Variants in COL4A1 observed in about 807,000 individuals in gnomAD.
COL4A1 encodes the protein collagen type IV alpha 1 chain, also known as collagen alpha-1(IV) chain.
COL4A1 carries 40 observed loss-of-function variants against 216.6 expected under a neutral mutation model. The ratio of observed to expected loss-of-function variants is 0.18; its 90% CI spans 0.14 to 0.24. The LOEUF (loss-of-function observed/expected upper bound fraction) is 0.24. Ranked by LOEUF, COL4A1 falls within the 10% of genes least tolerant of loss-of-function variation. The pLI, the probability that COL4A1 is intolerant of heterozygous loss-of-function variation, is 1.00. For missense variants in COL4A1, 1,628 were observed against 2,196.8 expected (o/e 0.74, Z 5.18); for synonymous variants, 839 against 810.7 (o/e 1.03, Z -0.59).
rs1303970828 is a variant in COL4A1 at position 110,261,035 on chromosome 13, T to TAAAAAAA, written c.85-18302_85-18301insTTTTTTT. ...CTGGGTGACAGAGCGAGACTCCGTC[T>TAAAAAAA]CAAAAAAAAAAAAAAAAAAGGCCAA... On this transcript the variant is annotated intron_variant, in intron 1 of 51. Transcript: ENST00000375820. 3.6e-3 allele frequency among the ~76,000 whole-genome samples: 151 copies of TAAAAAAA among 42,150 alleles called. 10 individuals are homozygous for TAAAAAAA. The highest frequency in any genetic ancestry group is 0.011 in the African/African-American group (130 of 11,906). 27.7% of individuals were successfully genotyped at this position (42,150 alleles called of 152,430 possible).
At position 110,207,137 on chromosome 13, in the gene COL4A1, T is replaced by C. The variant is rs897767116; in HGVS notation, c.781-246A>G. ...GCCCCCCAGCCCAGCTCCCTCCTCC[T>C]GACCAAGCCATCTCCAACTTGGGGC... On this transcript the variant is annotated intron_variant, in intron 13 of 51. Transcript: ENST00000375820. The surrounding 1 kb of genome is among the most constrained non-coding windows in gnomAD (Gnocchi z 4.4). Among the ~76,000 whole-genome samples, 1 of 150,834 alleles carries C rather than the reference T, an allele frequency of 6.6e-6. No individual in the cohort carries two copies. Among genetic ancestry groups the C allele is most frequent in the Non-Finnish European group, 1.5e-5 (1 of 67,716 alleles).
At chr13:110,190,191 C>T (rs752239305) in intron 24 of COL4A1, among the ~76,000 whole-genome samples, 1 of 151,656 alleles carries the variant, frequency 6.6e-6, no homozygotes, top group Admixed American at 6.6e-5. Context: ...CATTGGTGAC[C>T]CTAGGACATC....
Position 110,161,282 on chromosome 13 carries a change from T to C in COL4A1, c.4550A>G (p.Asn1517Ser). 1 of 1,614,244 alleles carries C rather than the reference T, an allele frequency of 6.2e-7. No homozygotes were observed. Among genetic ancestry groups the C allele is most frequent in the Non-Finnish European group, 8.5e-7 (1 of 1,180,046 alleles). ...GGTGGACAGCCAGTACGAGTAGTCATTTCGTGATGCAAAGTTGCACACGTT... is the reference window on the plus strand; with the variant it reads ...GGTGGACAGCCAGTACGAGTAGTCACTTCGTGATGCAAAGTTGCACACGTT... ...INNVCNFASR[N>S]DYSYWLSTPE... Residue 1517 changes from asparagine (N) to serine (S), a missense_variant, in exon 49 of 52, where the codon AAT becomes AGT. By Grantham distance (46) the Asn-to-Ser change is conservative (BLOSUM62 1). Transcript: ENST00000375820.
intron 1 of COL4A1, among the ~76,000 whole-genome samples, chr13:110,244,818 G>C (rs1487682352): frequency 6.6e-6 from 1 of 152,078 alleles, no homozygotes; most frequent in East Asian, 1.9e-4. Context: ...CATCTAAGAC[G>C]ACACCAATTG....
chr13:110,188,943 G>C (rs1373548901), intron 24 of COL4A1, among the ~76,000 whole-genome samples: 2 of 152,124 alleles, frequency 1.3e-5, no homozygotes, highest in African/African-American at 4.8e-5. Context: ...GGAGAGAGTC[G>C]GCAGCAACTC....
chr13:110,251,266 G>A (rs1276622993), intron 1 of COL4A1, among the ~76,000 whole-genome samples: 1 of 152,208 alleles, frequency 6.6e-6, no homozygotes. Flanking sequence ...CACCGGCCAT[G>A]TGGGCTTCTG....
Position 110,176,923 on chromosome 13 carries a change from C to G in COL4A1, c.2831G>C (p.Gly944Ala). 6.2e-7 allele frequency: 1 copy of G among 1,614,212 alleles called. No homozygotes were observed. Among genetic ancestry groups the G allele is most frequent in the African/African-American group, 1.3e-5 (1 of 75,062 alleles). Residue 944 changes from glycine to alanine, a missense_variant, in exon 34 of 52, where the codon GGC becomes GCC. Physicochemically the swap from Gly to Ala is moderately conservative, Grantham distance 60 (BLOSUM62 0). Around this residue, in one of 8 missense-constraint regions of COL4A1, gnomAD observed 58 missense variants for 132.5 expected, o/e 0.44. Coordinates refer to ENST00000375820, the MANE Select transcript of COL4A1 (RefSeq NM_001845.6). ...GTCTCCTTTCTGGCCCTTCATGCTGCCCATGTCCACCTTATCCATGGAGCC... is the reference window on the plus strand; with the variant it reads ...GTCTCCTTTCTGGCCCTTCATGCTGGCCATGTCCACCTTATCCATGGAGCC... ...KPGSMDKVDM[G>A]SMKGQKGDQG...
intron 2 of COL4A1, among the ~76,000 whole-genome samples, chr13:110,218,216 C>CCTA (rs2308060): frequency 4.6e-5 from 7 of 151,924 alleles, no homozygotes; most frequent in African/African-American, 1.5e-4. Flanking sequence ...TGTCAAAGGC[C>CCTA]TGTTTCAGTG....
chr13:110,303,887 C>G (rs1303043793), intron 1 of COL4A1, among the ~76,000 whole-genome samples: 4 of 152,246 alleles, frequency 2.6e-5, no homozygotes, highest in African/African-American at 9.6e-5. Flanking sequence ...AAGGAAGGCA[C>G]AAACGGGTCC....
At chr13:110,241,956 T>C (rs34808582) in intron 2 of COL4A1, among the ~76,000 whole-genome samples, 24,314 of 152,216 alleles carry the variant, frequency 0.16, 2,034 homozygotes, top group African/African-American at 0.18. Context: ...CACCAAAGGC[T>C]GAGTGGCTTA....
At chr13:110,212,394 G>A (rs1262388494) in intron 6 of COL4A1, 23 bp downstream of exon 6, 36 of 1,612,652 alleles carry the variant, frequency 2.2e-5, no homozygotes, top group Non-Finnish European at 3.1e-5. Context: ...ACACAAAAAG[G>A]AGGGTCTCGG....
At chr13:110,284,749 T>C (rs1271698125) in intron 1 of COL4A1, among the ~76,000 whole-genome samples, 2 of 152,226 alleles carry the variant, frequency 1.3e-5, no homozygotes, top group Non-Finnish European at 2.9e-5. Context: ...AGTATTCACC[T>C]AATCAGAACA....
At chr13:110,212,376 G>A (rs769353797) in intron 6 of COL4A1, 41 bp downstream of exon 6, 74 of 1,609,858 alleles carry the variant, frequency 4.6e-5, no homozygotes, top group African/African-American at 1.9e-4. Flanking sequence ...CAAAAATTAC[G>A]TAAACACACA....
At chr13:110,287,201 G>A (rs1883877582) in intron 1 of COL4A1, among the ~76,000 whole-genome samples, 1 of 152,216 alleles carries the variant, frequency 6.6e-6, no homozygotes, top group South Asian at 2.1e-4. Flanking sequence ...GTGTCAGAGG[G>A]AAGGAACGCC....
chr13:110,273,321 G>A (rs1038309474), intron 1 of COL4A1, among the ~76,000 whole-genome samples: 1 of 152,220 alleles, frequency 6.6e-6, no homozygotes, highest in African/African-American at 2.4e-5. Flanking sequence ...TTCGTCTTGA[G>A]AATCAGTGGA....
intron 36 of COL4A1, 104 bp downstream of exon 36, chr13:110,176,320 C>T (rs1211126694): frequency 2.5e-6 from 2 of 815,312 alleles, no homozygotes; most frequent in Non-Finnish European, 4.3e-6. Context: ...ACACACGTGC[C>T]TGGATTCTGT....
Position 110,152,492 on chromosome 13 carries a change from A to G in COL4A1, c.4770T>C (p.Gly1590=). 1 of 1,612,400 alleles carries G rather than the reference A, an allele frequency of 6.2e-7. No individual in the cohort carries two copies. Among genetic ancestry groups the G allele is most frequent in the Admixed American group, 1.7e-5 (1 of 59,950 alleles). Residue 1590 remains glycine (G), a synonymous_variant, in exon 51 of 52, where the codon GGT becomes GGC. Transcript: ENST00000375820. ...CCAGGGCTTGGCCAGAGCCTTCTGC[A>G]CCAGCGCTGGTGTGCTGCAGAACAG... ...GYSFVMHTSA[G]AEGSGQALAS...
chr13:110,186,614 C>T (rs922251383), intron 25 of COL4A1, 61 bp from the exon 26 acceptor site: 4 of 1,592,206 alleles, frequency 2.5e-6, no homozygotes, highest in Admixed American at 3.5e-5. Context: ...CTGTCCTTAT[C>T]GCATTCTTCT....
intron 1 of COL4A1, among the ~76,000 whole-genome samples, chr13:110,296,450 C>T (rs1027461305): frequency 2.6e-5 from 4 of 152,146 alleles, no homozygotes; most frequent in South Asian, 2.1e-4. Context: ...TAAGTACATA[C>T]GAATATCGAT....
Sources: gnomAD v4.1 joint callset for allele counts (sites outside exome capture counted in the v4.1 genomes callset) on GRCh38, gnomAD v4.1.1 for gene constraint, gnomAD v4.1.1 regional missense constraint, Gnocchi (gnomAD v3.1) non-coding constraint, MANE v1.5 for transcripts, NCBI Gene and HGNC (gene_info 2026-07-23, HGNC 2026-07-21) for gene names.